MACF1: variants seen among roughly 807,000 people sequenced by gnomAD.
MACF1 encodes microtubule actin crosslinking factor 1.
A neutral mutation model predicts 854.8 loss-of-function variants in MACF1; 193 were observed. The ratio of observed to expected loss-of-function variants is 0.23; its 90% CI spans 0.20 to 0.25. The LOEUF (loss-of-function observed/expected upper bound fraction) is 0.25. Among genes scored for constraint, MACF1 ranks in the 10% least tolerant of loss-of-function variants. The pLI, the probability that MACF1 is intolerant of heterozygous loss-of-function variation, is 1.00. For synonymous variants in MACF1, 3,185 were observed against 3,226.7 expected (o/e 0.99, Z 0.44); for missense variants, 7,722 against 8,929.1 (o/e 0.86, Z 5.45).
At chr1:39,355,460 C>CTTTTTTTTTTTTTTTT (rs56202498) in intron 44 of MACF1, among the ~76,000 whole-genome samples, 4 of 81,054 alleles carry the variant, frequency 4.9e-5, no homozygotes, top group Non-Finnish European at 8.9e-5. Context: ...TTTTCTTCTG[C>CTTTTTTTTTTTTTTTT]TTTTTTTTTT....
chr1:39,241,357 C>T (rs1644920621), intron 2 of MACF1, among the ~76,000 whole-genome samples: 2 of 151,988 alleles, frequency 1.3e-5, no homozygotes, highest in East Asian at 1.9e-4. Flanking sequence ...ATCAAGTTTT[C>T]GGCAGGTGTC....
At chr1:39,304,569 T>G in intron 23 of MACF1, 1 of 879,898 alleles carries the variant, frequency 1.1e-6, no homozygotes, top group Non-Finnish European at 1.7e-6. Context: ...TTCTTTCTTT[T>G]TTTTTTTTTC....
chr1:39,447,406 G>A (rs373058043), intron 80 of MACF1, 26 bp from the exon 81 acceptor site: 1 of 1,611,042 alleles, frequency 6.2e-7, no homozygotes, highest in Non-Finnish European at 8.5e-7. Flanking sequence ...TTCTTTCTGT[G>A]TGTGTGTGTT....
At chr1:39,340,780 T>C (rs753863682) in intron 39 of MACF1, 24 bp from the exon 40 acceptor site, 3 of 1,611,834 alleles carry the variant, frequency 1.9e-6, no homozygotes, top group Admixed American at 3.4e-5. Flanking sequence ...ATTTTCATAA[T>C]GTGATTTTCC....
At position 39,447,791 on chromosome 1, in the gene MACF1, C is replaced by G; in HGVS notation, c.19861C>G (p.Leu6621Val). The G allele has an allele frequency of 6.2e-7, 1 of 1,613,886 alleles. No homozygotes were observed. The highest frequency in any genetic ancestry group is 8.5e-7 in the Non-Finnish European group (1 of 1,179,974). The change falls in exon 82 of 101, where the codon CTG becomes GTG. Residue 6621 changes from leucine (L) to valine (V), a missense_variant. Physicochemically the swap from Leu to Val is conservative, Grantham distance 32. Transcript: ENST00000564288. ...KFLSQKQDVV[L>V]IKNLLVSVQS... The stretch of plus-strand genomic sequence containing the variant: ...CCTTAGCCAAAAGCAGGATGTTGTT[C>G]TGATCAAGAATTTGTTGGTGAGCGT...
intron 58 of MACF1, among the ~76,000 whole-genome samples, chr1:39,415,042 C>G (rs1643233994): frequency 6.6e-6 from 1 of 152,196 alleles, no homozygotes; most frequent in Admixed American, 6.5e-5. Context: ...CATATCCTCC[C>G]CATTCTTTTC....
chr1:39,357,417 C>A lies in MACF1; in HGVS notation c.11467C>A (p.Leu3823Met). The A allele has an allele frequency of 6.2e-7, 1 of 1,613,260 alleles. No individual in the cohort carries two copies. Among genetic ancestry groups the A allele is most frequent in the African/African-American group, 1.3e-5 (1 of 75,006 alleles). ...ELLSQQQNFI[L>M]ATQSAQAFLD... The stretch of plus-strand genomic sequence containing the variant: ...GCTGTCCCAGCAGCAAAATTTCATT[C>A]TGGCCACCCAGTCAGCTCAGGCCTT... The change falls in exon 45 of 101, where the codon CTG becomes ATG. Residue 3823 changes from leucine (L) to methionine (M), a missense_variant. By Grantham distance (15) the Leu-to-Met change is conservative. Coordinates refer to ENST00000564288, the MANE Select transcript of MACF1 (RefSeq NM_001394062.1).
At chr1:39,288,748 C>T (rs967671925) in intron 15 of MACF1, among the ~76,000 whole-genome samples, 1 of 151,882 alleles carries the variant, frequency 6.6e-6, no homozygotes, top group Non-Finnish European at 1.5e-5. Flanking sequence ...GCCAAGATCG[C>T]ACCACTGCGC....
At chr1:39,263,292 A>G (rs2484754) in intron 6 of MACF1, among the ~76,000 whole-genome samples, 133,994 of 152,182 alleles carry the variant, frequency 0.88, 59,962 homozygotes, top group Non-Finnish European at 0.96. Flanking sequence ...CAGATTAAAG[A>G]TTTGTGACTG....
intron 2 of MACF1, among the ~76,000 whole-genome samples, chr1:39,195,480 G>T (rs1445537841): frequency 6.6e-6 from 1 of 152,160 alleles, no homozygotes; most frequent in East Asian, 1.9e-4. Context: ...AGTCTAGTGA[G>T]GGAGTAACAA....
chr1:39,418,206 G>A (rs955317438), intron 58 of MACF1, among the ~76,000 whole-genome samples: 1 of 152,082 alleles, frequency 6.6e-6, no homozygotes, highest in African/African-American at 2.4e-5. Context: ...ACAGTGGAGT[G>A]GATAGTATAA....
Position 39,353,049 on chromosome 1 carries a change from G to A in MACF1, c.11242G>A (p.Asp3748Asn), listed in dbSNP as rs763635279. 8.7e-6 allele frequency: 14 copies of A among 1,613,862 alleles called. 1 individual carries two copies. The highest frequency in any genetic ancestry group is 5.0e-5 in the Admixed American group (3 of 59,970). Residue 3748 changes from aspartate to asparagine, a missense_variant, in exon 44 of 101, where the codon GAT becomes AAT. By Grantham distance (23) the Asp-to-Asn change is conservative. Transcript: ENST00000564288. ...ACTGGCAGAGAACAAGAAGAAGATCGATGCTCTCCTGGATTGGGTAACTTC... is the reference window on the plus strand; with the variant it reads ...ACTGGCAGAGAACAAGAAGAAGATCAATGCTCTCCTGGATTGGGTAACTTC... ...KELAENKKKI[D>N]ALLDWVTSVG...
chr1:39,135,210 A>G (rs1439141498), intron 2 of MACF1, among the ~76,000 whole-genome samples: 1 of 152,114 alleles, frequency 6.6e-6, no homozygotes, highest in African/African-American at 2.4e-5. Flanking sequence ...TGGCTTGCTA[A>G]TAATATGATT....
intron 15 of MACF1, among the ~76,000 whole-genome samples, chr1:39,289,693 CTTTTTTTTTTTTTTT>C (rs58188740): frequency 2.0e-3 from 57 of 28,968 alleles, no homozygotes; most frequent in South Asian, 6.4e-3. Context: ...GTGGGTTGTC[CTTTTTTTTTTTTTTT>C]TTTTTTTTTT....
intron 2 of MACF1, among the ~76,000 whole-genome samples, chr1:39,139,249 T>G (rs1189953930): frequency 3.3e-5 from 5 of 152,168 alleles, no homozygotes; most frequent in Non-Finnish European, 5.9e-5. Flanking sequence ...AACAGATTTT[T>G]TTTCCTCTTG....
At chr1:39,314,654 A>G (rs1646377703) in intron 26 of MACF1, among the ~76,000 whole-genome samples, 1 of 151,502 alleles carries the variant, frequency 6.6e-6, no homozygotes. Flanking sequence ...AACCCATAGC[A>G]CAGGGATTAT....
intron 2 of MACF1, among the ~76,000 whole-genome samples, chr1:39,151,688 A>T (rs79560668): frequency 0.02 from 3,062 of 152,252 alleles, 109 homozygotes; most frequent in African/African-American, 0.071. Context: ...ATCCTTACCT[A>T]GGCCACTAGG....
intron 23 of MACF1, chr1:39,304,324 G>A (rs765054535): frequency 1.7e-5 from 12 of 715,532 alleles, no homozygotes; most frequent in Non-Finnish European, 2.8e-5. Flanking sequence ...GAATGTCACC[G>A]TCTCTAAATA....
chr1:39,212,330 T>C (rs79829369), intron 1 of MACF1, among the ~76,000 whole-genome samples: 1 of 152,312 alleles, frequency 6.6e-6, no homozygotes, highest in Non-Finnish European at 1.5e-5. Context: ...TTGCCTCTTT[T>C]TGAGGCTCAG....
Sources: gnomAD v4.1 joint callset for allele counts (sites outside exome capture counted in the v4.1 genomes callset) on GRCh38, gnomAD v4.1.1 for gene constraint, MANE v1.5 for transcripts, NCBI Gene and HGNC (gene_info 2026-07-23, HGNC 2026-07-21) for gene names.